The following SLC24A2 variants were observed in gnomAD, a reference collection of about 807,000 sequenced individuals.
The protein encoded by SLC24A2 is sodium/potassium/calcium exchanger 2.
SLC24A2 carries 36 observed loss-of-function variants against 62.0 expected under a neutral mutation model. That is an observed-to-expected ratio of 0.58 (90% CI 0.44 to 0.77). The LOEUF (loss-of-function observed/expected upper bound fraction) is 0.77. Ranked by LOEUF, SLC24A2 falls within the 30% of genes least tolerant of loss-of-function variation. SLC24A2 has a pLI of 0.00. For synonymous variants in SLC24A2, 358 were observed against 294.0 expected (o/e 1.22, Z -2.23); for missense variants, 846 against 817.9 (o/e 1.03, Z -0.42).
intron 7 of SLC24A2, among the ~76,000 whole-genome samples, chr9:19,552,302 C>T (rs1202608493): frequency 6.6e-6 from 1 of 152,196 alleles, no homozygotes; most frequent in Non-Finnish European, 1.5e-5. Flanking sequence ...CCCAAGGTGT[C>T]AGCTAGCTAC....
chr9:20,054,630 T>C, the SLC24A2 span, among the ~76,000 whole-genome samples: 3 of 152,324 alleles, frequency 2.0e-5, no homozygotes, highest in Admixed American at 2.0e-4. Context: ...ATAATTCTTA[T>C]GCCTTTGCAT....
chr9:20,034,031 C>T, the SLC24A2 span, among the ~76,000 whole-genome samples: 1 of 152,120 alleles, frequency 6.6e-6, no homozygotes, highest in Non-Finnish European at 1.5e-5. Flanking sequence ...TTTTTCCAAA[C>T]TGGACTGTAA....
chr9:20,160,378 T>C, the SLC24A2 span, among the ~76,000 whole-genome samples: 1,234 of 151,494 alleles, frequency 8.1e-3, 9 homozygotes, highest in South Asian at 0.011. Flanking sequence ...TACTGACCTG[T>C]CTTAGGTCAA....
chr9:20,171,714 T>C, the SLC24A2 span, among the ~76,000 whole-genome samples: 1 of 152,158 alleles, frequency 6.6e-6, no homozygotes, highest in South Asian at 2.1e-4. Context: ...CCCAAATTTA[T>C]AAAACAATTA....
At chr9:19,827,217 C>T in the SLC24A2 span, among the ~76,000 whole-genome samples, 3 of 152,110 alleles carry the variant, frequency 2.0e-5, no homozygotes, top group Non-Finnish European at 2.9e-5. Context: ...TTTGGTCTGT[C>T]GTCTCCCAAC....
the SLC24A2 span, among the ~76,000 whole-genome samples, chr9:20,087,609 A>T: frequency 6.6e-6 from 1 of 152,206 alleles, no homozygotes; most frequent in African/African-American, 2.4e-5. Flanking sequence ...TAAAATTAAC[A>T]TCTATTATTT....
At chr9:19,860,863 GA>G in the SLC24A2 span, among the ~76,000 whole-genome samples, 1 of 152,208 alleles carries the variant, frequency 6.6e-6, no homozygotes, top group African/African-American at 2.4e-5. Flanking sequence ...TCTGCCTTTG[GA>G]AAGGGGAGAG....
At chr9:20,226,938 G>C in the SLC24A2 span, among the ~76,000 whole-genome samples, 1 of 152,148 alleles carries the variant, frequency 6.6e-6, no homozygotes, top group African/African-American at 2.4e-5. Flanking sequence ...GTTCTGATTT[G>C]TGCTAACAGG....
At chr9:19,710,963 A>G (rs1317879173) in intron 2 of SLC24A2, among the ~76,000 whole-genome samples, 1 of 152,242 alleles carries the variant, frequency 6.6e-6, no homozygotes, top group African/African-American at 2.4e-5. Flanking sequence ...AATGTACTTA[A>G]TAAATGCCTA....
the SLC24A2 span, among the ~76,000 whole-genome samples, chr9:20,030,975 G>A: frequency 1.3e-5 from 2 of 151,992 alleles, no homozygotes; most frequent in Non-Finnish European, 2.9e-5. Flanking sequence ...AACCCTTTTG[G>A]TGAGGAAAAG....
the SLC24A2 span, among the ~76,000 whole-genome samples, chr9:19,946,088 T>C: frequency 6.6e-6 from 1 of 152,232 alleles, no homozygotes; most frequent in African/African-American, 2.4e-5. Flanking sequence ...AAAATTTCTT[T>C]GCTCGCTACT....
the SLC24A2 span, among the ~76,000 whole-genome samples, chr9:20,208,234 G>A: frequency 6.6e-6 from 1 of 152,204 alleles, no homozygotes; most frequent in African/African-American, 2.4e-5. Context: ...TTCCAAGCAG[G>A]TTAACGTGGC....
chr9:19,548,967 G>A (rs1446030242), intron 8 of SLC24A2, among the ~76,000 whole-genome samples: 2 of 152,154 alleles, frequency 1.3e-5, no homozygotes, highest in Non-Finnish European at 2.9e-5. Context: ...ATACTAAGAA[G>A]TAGAGCTGTT....
the SLC24A2 span, among the ~76,000 whole-genome samples, chr9:19,983,039 C>G: frequency 2.0e-5 from 3 of 152,114 alleles, no homozygotes; most frequent in Non-Finnish European, 2.9e-5. Context: ...TTATGAACAG[C>G]CACTGTTAAC....
At chr9:19,919,936 G>T in the SLC24A2 span, among the ~76,000 whole-genome samples, 5 of 152,098 alleles carry the variant, frequency 3.3e-5, no homozygotes, top group Non-Finnish European at 7.4e-5. Flanking sequence ...TGTGGGTGGG[G>T]ACACAGCCAA....
chr9:20,190,455 C>G, the SLC24A2 span, among the ~76,000 whole-genome samples: 2,820 of 152,238 alleles, frequency 0.019, 63 homozygotes, highest in African/African-American at 0.049. Context: ...ATGCCAGAAG[C>G]TGGTAAGAAG....
the SLC24A2 span, among the ~76,000 whole-genome samples, chr9:19,913,339 C>T: frequency 6.6e-6 from 1 of 152,104 alleles, no homozygotes; most frequent in Non-Finnish European, 1.5e-5. Context: ...AAAGAGTAGT[C>T]ACATAAATCA....
the SLC24A2 span, among the ~76,000 whole-genome samples, chr9:19,822,479 C>T: frequency 1.2e-4 from 18 of 152,224 alleles, no homozygotes; most frequent in Admixed American, 7.9e-4. Context: ...CTCTCCCCAC[C>T]GATGTCTCAT....
intron 2 of SLC24A2, among the ~76,000 whole-genome samples, chr9:19,635,255 T>C (rs1006297692): frequency 6.6e-6 from 1 of 152,202 alleles, no homozygotes; most frequent in Non-Finnish European, 1.5e-5. Context: ...AAATCTGTTC[T>C]AGAATTGGGG....
Sources: gnomAD v4.1 joint callset for allele counts (sites outside exome capture counted in the v4.1 genomes callset) on GRCh38, gnomAD v4.1.1 for gene constraint, MANE v1.5 for transcripts, NCBI Gene and HGNC (gene_info 2026-07-23, HGNC 2026-07-21) for gene names.